The following MARK4 variants were observed in gnomAD, a reference collection of about 807,000 sequenced individuals.
The protein encoded by MARK4 is MAP/microtubule affinity-regulating kinase 4.
A neutral mutation model predicts 81.5 loss-of-function variants in MARK4; 19 were observed. That is an observed-to-expected ratio of 0.23 (90% CI 0.16 to 0.34). MARK4 has a LOEUF of 0.34. Ranked by LOEUF, MARK4 falls within the 10% of genes least tolerant of loss-of-function variation. The probability of loss-of-function intolerance (pLI) is 1.00; values close to 1 mark genes in which losing one functional copy is unlikely to be tolerated. For missense variants in MARK4, 772 were observed against 1,058.8 expected (o/e 0.73, Z 3.76); for synonymous variants, 436 against 439.0 (o/e 0.99, Z 0.08).
In MARK4 at chr19:45,274,376, A is replaced by G. The variant is rs185020434; in HGVS notation, c.786+2668A>G. 8.5e-5 allele frequency among the ~76,000 whole-genome samples: 13 copies of G among 152,258 alleles called. No homozygotes were observed. In the East Asian group the frequency reaches 1.5e-3, roughly 18 times the overall value. On this transcript the variant is annotated intron_variant, in intron 8 of 16. Transcript: ENST00000262891. ...CCGGGCACGGTGGCTCAGGCCTGTA[A>G]TCTCAGCACTTTGGGAGGCTGAGGT...
chr19:45,286,050 TTTG>T (rs1056251712), intron 12 of MARK4, among the ~76,000 whole-genome samples: 47 of 152,232 alleles, frequency 3.1e-4, no homozygotes, highest in Admixed American at 1.3e-4. Flanking sequence ...GTTACGGTTT[TTTG>T]TTGTTGTTTT....
intron 13 of MARK4, among the ~76,000 whole-genome samples, chr19:45,290,982 G>C (rs1351784042): frequency 6.6e-6 from 1 of 152,194 alleles, no homozygotes; most frequent in Admixed American, 6.5e-5. Flanking sequence ...GATCTTGAAG[G>C]CATCAGCTCA....
chr19:45,290,831 T>G (rs766784419), intron 13 of MARK4, among the ~76,000 whole-genome samples: 3 of 152,134 alleles, frequency 2.0e-5, no homozygotes, highest in Non-Finnish European at 4.4e-5. Context: ...GGCCCTGGAC[T>G]CCAGGGCTGT....
chr19:45,256,203 C>T (rs56265329), intron 1 of MARK4, among the ~76,000 whole-genome samples: 3,363 of 152,232 alleles, frequency 0.022, 55 homozygotes, highest in Non-Finnish European at 0.034. Context: ...TTTGGGAGGC[C>T]GAGGTGGGTG....
intron 5 of MARK4, 33 bp downstream of exon 5, chr19:45,264,782 T>C (rs773555810): frequency 3.1e-6 from 5 of 1,613,856 alleles, no homozygotes; most frequent in Non-Finnish European, 4.2e-6. Context: ...CCTGCCCCTG[T>C]GCCACCTCCC....
At chr19:45,264,969 G>A in intron 6 of MARK4, 59 bp downstream of exon 6, 1 of 1,568,540 alleles carries the variant, frequency 6.4e-7, no homozygotes, top group Non-Finnish European at 8.8e-7. Flanking sequence ...GAGGGCGTCT[G>A]AGAGCTGGGC....
intron 1 of MARK4, among the ~76,000 whole-genome samples, chr19:45,254,623 AGATCAT>A (rs1339411339): frequency 6.6e-6 from 1 of 152,206 alleles, no homozygotes; most frequent in Non-Finnish European, 1.5e-5. Context: ...TGAAGACTGC[AGATCAT>A]AATTGGACCC....
chr19:45,283,677 C>T (rs1034730911), intron 12 of MARK4, among the ~76,000 whole-genome samples: 2 of 152,154 alleles, frequency 1.3e-5, no homozygotes, highest in African/African-American at 2.4e-5. Context: ...TTTATCCATT[C>T]ATGAACACGT....
intron 14 of MARK4, among the ~76,000 whole-genome samples, chr19:45,297,297 T>G (rs950469164): frequency 6.6e-6 from 1 of 152,062 alleles, no homozygotes; most frequent in Non-Finnish European, 1.5e-5. Context: ...ATGGTGAGAG[T>G]TCAGATAGCA....
chr19:45,271,626 C>T lies in MARK4; in HGVS notation c.704C>T (p.Pro235Leu). The change falls in exon 8 of 17, where the codon CCG becomes CTG. Residue 235 changes from proline to leucine, a missense_variant. Physicochemically the swap from Pro to Leu is moderately conservative, Grantham distance 98. Transcript: ENST00000262891. This position sits in a 1 kb window ranked among gnomAD's most constrained non-coding sequence, Gnocchi z 4.1. ...TTTCAGGGCAAGAAGTACGACGGGCCGGAGGTGGACATCTGGAGCCTGGGA... is the reference window on the plus strand; with the variant it reads ...TTTCAGGGCAAGAAGTACGACGGGCTGGAGGTGGACATCTGGAGCCTGGGA... The part of the protein sequence containing the change: ...ELFQGKKYDG[P>L]EVDIWSLGVI... 1 of 1,614,216 alleles carries T rather than the reference C, an allele frequency of 6.2e-7. No homozygotes were observed. Among genetic ancestry groups the T allele is most frequent in the Non-Finnish European group, 8.5e-7 (1 of 1,180,040 alleles).
At chr19:45,287,052 G>A (rs577988419) in intron 12 of MARK4, among the ~76,000 whole-genome samples, 1 of 151,874 alleles carries the variant, frequency 6.6e-6, no homozygotes, top group South Asian at 2.1e-4. Flanking sequence ...CAGTCTAATG[G>A]TACAGGCCAG....
chr19:45,251,947 C>G (rs1166122668), intron 1 of MARK4, among the ~76,000 whole-genome samples: 1 of 151,800 alleles, frequency 6.6e-6, no homozygotes, highest in Non-Finnish European at 1.5e-5. Flanking sequence ...CTTCTCTTGC[C>G]TGTGCTAAGC....
intron 12 of MARK4, among the ~76,000 whole-genome samples, chr19:45,284,196 C>T (rs1230246642): frequency 2.6e-5 from 4 of 152,064 alleles, no homozygotes; most frequent in Admixed American, 1.3e-4. Flanking sequence ...TTAGTAGAGA[C>T]AGGGTTTCAC....
chr19:45,302,358 C>T lies in MARK4; in HGVS notation c.1923-16C>T. ...CTTCGCTCCCATCTCTGACCCCTGA[C>T]ATCTTCTCGCCTCAGTTGCCATCTA... On this transcript the variant is annotated splice_polypyrimidine_tract_variant and intron_variant, in intron 16 of 16. Coordinates refer to ENST00000262891, the MANE Select transcript of MARK4 (RefSeq NM_001199867.2). The surrounding 1 kb of genome is among the most constrained non-coding windows in gnomAD (Gnocchi z 4.9). 1.2e-6 allele frequency: 2 copies of T among 1,614,094 alleles called. No homozygotes were observed. The highest frequency in any genetic ancestry group is 1.7e-6 in the Non-Finnish European group (2 of 1,179,942).
intron 15 of MARK4, 47 bp from the exon 16 acceptor site, chr19:45,299,764 G>A: frequency 6.6e-7 from 1 of 1,525,396 alleles, no homozygotes; most frequent in Non-Finnish European, 8.9e-7. Context: ...CGGGAGGTGG[G>A]TTCCCTATGT....
chr19:45,300,039 CCCTTGATCATCTTAAACTTCAG>C (rs1599807324), intron 16 of MARK4, among the ~76,000 whole-genome samples, 184 bp downstream of exon 16: 1 of 152,216 alleles, frequency 6.6e-6, no homozygotes, highest in African/African-American at 2.4e-5. Context: ...CAAGCACCTT[CCCTTGATCATCTTAAACTTCAG>C]CCTCCGGCTG....
intron 12 of MARK4, among the ~76,000 whole-genome samples, chr19:45,281,255 T>C (rs1475201097): frequency 6.6e-6 from 1 of 151,970 alleles, no homozygotes; most frequent in African/African-American, 2.4e-5. Context: ...GGTTTCACCA[T>C]GTTGGCCAAG....
chr19:45,282,490 C>G (rs1265209782), intron 12 of MARK4, among the ~76,000 whole-genome samples: 1 of 149,918 alleles, frequency 6.7e-6, no homozygotes, highest in African/African-American at 2.5e-5. Flanking sequence ...CCCAGGAGTT[C>G]TAGACCAGCC....
At position 45,302,397 on chromosome 19, in the gene MARK4, C is replaced by T. The variant is rs142546580; in HGVS notation, c.1946C>T (p.Thr649Met). The T allele has an allele frequency of 4.3e-6, 7 of 1,614,138 alleles. No homozygotes were observed. Among genetic ancestry groups the T allele is most frequent in the Non-Finnish European group, 4.2e-6 (5 of 1,179,982 alleles). Residue 649 changes from threonine to methionine, a missense_variant, in exon 17 of 17, where the codon ACG becomes ATG. Around this residue, in one of 3 missense-constraint regions of MARK4, gnomAD observed 548 missense variants for 624.3 expected, o/e 0.88. Transcript: ENST00000262891. The surrounding 1 kb of genome is among the most constrained non-coding windows in gnomAD (Gnocchi z 4.9). ...VTSCHLPWDQ[T>M]ETAPRLLRFP... is the part of the protein sequence containing the mutation. ...AGTTGCCATCTACCTTGGGATCAAA[C>T]GGAAACCGCCCCCCGGCTGCTCCGA...
Sources: gnomAD v4.1 joint callset for allele counts (sites outside exome capture counted in the v4.1 genomes callset) on GRCh38, gnomAD v4.1.1 for gene constraint, gnomAD v4.1.1 regional missense constraint, Gnocchi (gnomAD v3.1) non-coding constraint, MANE v1.5 for transcripts, NCBI Gene and HGNC (gene_info 2026-07-23, HGNC 2026-07-21) for gene names.